The following KCNH7 variants were observed in gnomAD, a reference collection of about 807,000 sequenced individuals.
KCNH7 encodes potassium voltage-gated channel subfamily H member 7.
KCNH7 carries 49 observed loss-of-function variants against 120.8 expected under a neutral mutation model. That is an observed-to-expected ratio of 0.41 (90% confidence interval 0.32 to 0.51). The LOEUF (loss-of-function observed/expected upper bound fraction) is 0.51, where lower values mean the gene tolerates loss of function less well. KCNH7 is among the 20% of genes least tolerant of loss of function. The pLI, the probability that KCNH7 is intolerant of heterozygous loss-of-function variation, is 0.38. For missense variants in KCNH7, 1,097 were observed against 1,446.6 expected (o/e 0.76, Z 3.92); for synonymous variants, 547 against 516.1 (o/e 1.06, Z -0.81).
chr2:162,790,985 A>G (rs1348185079), intron 2 of KCNH7, among the ~76,000 whole-genome samples: 1 of 152,140 alleles, frequency 6.6e-6, no homozygotes, highest in Non-Finnish European at 1.5e-5. Flanking sequence ...TTAGGCAAGG[A>G]AAAGAAATAA....
chr2:162,575,988 TA>T (rs1693656499), intron 2 of KCNH7, among the ~76,000 whole-genome samples: 1 of 152,078 alleles, frequency 6.6e-6, no homozygotes, highest in Middle Eastern at 3.2e-3. Flanking sequence ...GGTTTTTCCA[TA>T]TACAACTTTG....
intron 2 of KCNH7, among the ~76,000 whole-genome samples, chr2:162,703,596 C>A (rs1298606283): frequency 1.3e-5 from 2 of 152,118 alleles, no homozygotes; most frequent in African/African-American, 4.8e-5. Context: ...TGTGCTTAAA[C>A]ACGGAGAATG....
intron 2 of KCNH7, among the ~76,000 whole-genome samples, chr2:162,833,753 C>T (rs1469993441): frequency 6.6e-6 from 1 of 152,096 alleles, no homozygotes; most frequent in Non-Finnish European, 1.5e-5. Context: ...GAACTCATTG[C>T]ATAGATCACG....
At chr2:162,734,339 C>G (rs1325634744) in intron 2 of KCNH7, among the ~76,000 whole-genome samples, 1 of 151,936 alleles carries the variant, frequency 6.6e-6, no homozygotes, top group Non-Finnish European at 1.5e-5. Flanking sequence ...ATTTAGAGAA[C>G]TATGCTTTGT....
At chr2:162,660,004 G>C (rs1166965909) in intron 2 of KCNH7, among the ~76,000 whole-genome samples, 1 of 151,914 alleles carries the variant, frequency 6.6e-6, no homozygotes, top group Non-Finnish European at 1.5e-5. Flanking sequence ...TTAATAATTT[G>C]TGTTTTCTGT....
intron 2 of KCNH7, among the ~76,000 whole-genome samples, chr2:162,752,326 C>T (rs746547477): frequency 2.6e-5 from 4 of 152,132 alleles, no homozygotes; most frequent in Admixed American, 6.5e-5. Context: ...AGCTTTATAT[C>T]AACTACAATG....
intron 5 of KCNH7, among the ~76,000 whole-genome samples, chr2:162,505,982 A>G (rs1690868594): frequency 6.6e-6 from 1 of 151,890 alleles, no homozygotes; most frequent in South Asian, 2.1e-4. Flanking sequence ...ACTATGGGGG[A>G]AAATCACACT....
chr2:162,384,662 C>G (rs763419887), intron 13 of KCNH7, 26 bp downstream of exon 13: 18 of 1,608,322 alleles, frequency 1.1e-5, no homozygotes, highest in Non-Finnish European at 1.4e-5. Flanking sequence ...TGAAGAGAGA[C>G]CACCTGATGT....
At chr2:162,620,308 C>G (rs1683307725) in intron 2 of KCNH7, among the ~76,000 whole-genome samples, 1 of 151,350 alleles carries the variant, frequency 6.6e-6, no homozygotes. Context: ...GTGTTGAACC[C>G]CATGATCTCA....
rs1483780620 is a variant in KCNH7, at chr2:162,609,642, G to A, written c.308-72562C>T. 1.3e-4 allele frequency among the ~76,000 whole-genome samples: 20 copies of A among 152,286 alleles called. No individual in the cohort carries two copies. In the East Asian group the frequency reaches 3.7e-3, roughly 28 times the overall value. On this transcript the variant is annotated intron_variant, in intron 2 of 15. Transcript: ENST00000332142. ...TTAGTTAAGGGAGAAAGTGCTAAGA[G>A]AGCATAAATGAAGTTAAGGCAAACT...
chr2:162,768,452 T>A (rs1213347789), intron 2 of KCNH7, among the ~76,000 whole-genome samples: 1 of 152,088 alleles, frequency 6.6e-6, no homozygotes, highest in Non-Finnish European at 1.5e-5. Flanking sequence ...CTATCTTCCA[T>A]CCAATTCAAC....
At chr2:162,376,782 C>A (rs1686210342) in intron 14 of KCNH7, among the ~76,000 whole-genome samples, 1 of 152,082 alleles carries the variant, frequency 6.6e-6, no homozygotes, top group South Asian at 2.1e-4. Flanking sequence ...CCAAGTGATT[C>A]AAATACACAT....
chr2:162,835,685 G>T (rs1685638985), intron 2 of KCNH7, among the ~76,000 whole-genome samples: 1 of 151,128 alleles, frequency 6.6e-6, no homozygotes, highest in South Asian at 2.1e-4. Flanking sequence ...CCTTAAAATG[G>T]GCATATCTGA....
At chr2:162,398,050 A>G (rs895182569) in intron 10 of KCNH7, among the ~76,000 whole-genome samples, 2 of 151,862 alleles carry the variant, frequency 1.3e-5, no homozygotes, top group African/African-American at 2.4e-5. Context: ...GTTTCTGACT[A>G]TCAAAGTACT....
Position 162,625,148 on chromosome 2 carries a change from C to T in KCNH7, c.308-88068G>A, listed in dbSNP as rs376550732. Among the ~76,000 whole-genome samples the T allele has an allele frequency of 6.0e-4, 91 of 152,040 alleles. 1 individual carries two copies. In the South Asian group the frequency reaches 9.7e-3, roughly 16 times the overall value. On this transcript the variant is annotated intron_variant, in intron 2 of 15. Transcript: ENST00000332142. Reference sequence around the variant, plus strand: ...CCGACCTCAAGTTATCCACCTGCCTCGGCTTCCCAAAGTGCTGGGGTTACA... The same window carrying T: ...CCGACCTCAAGTTATCCACCTGCCTTGGCTTCCCAAAGTGCTGGGGTTACA...
At chr2:162,647,261 T>C (rs1194443760) in intron 2 of KCNH7, among the ~76,000 whole-genome samples, 1 of 152,196 alleles carries the variant, frequency 6.6e-6, no homozygotes, top group Non-Finnish European at 1.5e-5. Flanking sequence ...ACCAGGGCTC[T>C]GACGTGTTTT....
chr2:162,745,196 A>G (rs1688274140), intron 2 of KCNH7, among the ~76,000 whole-genome samples: 1 of 152,206 alleles, frequency 6.6e-6, no homozygotes, highest in Non-Finnish European at 1.5e-5. Context: ...GAGAGAGCAT[A>G]CAGAGGGGTC....
In KCNH7 at chr2:162,517,782, T is replaced by C. The variant is rs1691357924; in HGVS notation, c.840A>G (p.Glu280=). The C allele has an allele frequency of 1.3e-6, 2 of 1,599,348 alleles. No homozygotes were observed. The highest frequency in any genetic ancestry group is 1.7e-6 in the Non-Finnish European group (2 of 1,167,964). Reference sequence around the variant, plus strand: ...TGTTCTTGGGGTGGACGCCGAATCCTTCTATATCATGGACCGAAGATGCTC... The same window carrying C: ...TGTTCTTGGGGTGGACGCCGAATCCCTCTATATCATGGACCGAAGATGCTC... The part of the protein sequence containing the change: ...IRRASSVHDI[E]GFGVHPKNIF... Residue 280 remains glutamate, a synonymous_variant, in exon 4 of 16, where the codon GAA becomes GAG. Coordinates refer to ENST00000332142, the MANE Select transcript of KCNH7 (RefSeq NM_033272.4).
intron 2 of KCNH7, among the ~76,000 whole-genome samples, chr2:162,716,875 G>A (rs1687140685): frequency 6.6e-6 from 1 of 152,078 alleles, no homozygotes. Flanking sequence ...CAGCCATGAT[G>A]TATATTATTT....
Sources: gnomAD v4.1 joint callset for allele counts (sites outside exome capture counted in the v4.1 genomes callset) on GRCh38, gnomAD v4.1.1 for gene constraint, MANE v1.5 for transcripts, NCBI Gene and HGNC (gene_info 2026-07-23, HGNC 2026-07-21) for gene names.